The following MCF2L2 variants were observed in gnomAD, a reference collection of about 807,000 sequenced individuals.
MCF2L2 encodes the protein probable guanine nucleotide exchange factor MCF2L2.
Under a neutral mutation model 150.2 loss-of-function variants are expected in MCF2L2, and 102 were observed. The ratio of observed to expected loss-of-function variants is 0.68; its 90% CI spans 0.58 to 0.80. The LOEUF (loss-of-function observed/expected upper bound fraction) is 0.80. Ranked by LOEUF, MCF2L2 falls within the 30% of genes least tolerant of loss-of-function variation. The pLI, the probability that MCF2L2 is intolerant of heterozygous loss-of-function variation, is 0.00. For missense variants in MCF2L2, 1,256 were observed against 1,372.8 expected, an observed-to-expected ratio of 0.91 and a Z score of 1.34; for synonymous variants, 465 against 491.3, an observed-to-expected ratio of 0.95 and a Z score of 0.71.
intron 5 of MCF2L2, among the ~76,000 whole-genome samples, chr3:183,335,731 G>T (rs1036612358): frequency 6.6e-6 from 1 of 152,058 alleles, no homozygotes; most frequent in Non-Finnish European, 1.5e-5. Context: ...AGCCAGGCAT[G>T]GTGGTGTGTG....
intron 3 of MCF2L2, among the ~76,000 whole-genome samples, chr3:183,351,687 C>T (rs571115299): frequency 9.8e-5 from 15 of 152,294 alleles, no homozygotes; most frequent in Admixed American, 9.1e-4. Flanking sequence ...CTGATGGTTA[C>T]ACTGTGAACT....
chr3:183,224,725 A>G (rs1263917970), intron 18 of MCF2L2: 1 of 152,636 alleles, frequency 6.6e-6, no homozygotes, highest in Non-Finnish European at 1.5e-5. Context: ...GAGCTCAGTC[A>G]TTTGGGCAAC....
chr3:183,424,404 A>C (rs1201267624), intron 1 of MCF2L2, among the ~76,000 whole-genome samples: 1 of 152,228 alleles, frequency 6.6e-6, no homozygotes, highest in East Asian at 1.9e-4. Context: ...AGTTATCTAC[A>C]AATATTTTAT....
intron 15 of MCF2L2, chr3:183,269,630 G>GA (rs1422581700): frequency 1.6e-6 from 1 of 618,842 alleles, no homozygotes; most frequent in Non-Finnish European, 2.7e-6. Context: ...CGCAATCTCA[G>GA]AAAAATGGGA....
At chr3:183,405,337 T>G (rs934499528) in intron 1 of MCF2L2, among the ~76,000 whole-genome samples, 23 of 152,200 alleles carry the variant, frequency 1.5e-4, no homozygotes, top group African/African-American at 4.8e-4. Flanking sequence ...TGCTAATTCT[T>G]CTTAAATTTG....
At chr3:183,199,917 G>C (rs1000135796) in intron 25 of MCF2L2, among the ~76,000 whole-genome samples, 1 of 151,940 alleles carries the variant, frequency 6.6e-6, no homozygotes, top group African/African-American at 2.4e-5. Context: ...CAGAATGATG[G>C]TTTCCAGCTT....
intron 1 of MCF2L2, among the ~76,000 whole-genome samples, chr3:183,405,536 G>A (rs4859182): frequency 0.33 from 49,944 of 151,920 alleles, 8,340 homozygotes; most frequent in South Asian, 0.37. Context: ...CCTTTTCCCA[G>A]TATCATAGAA....
chr3:183,314,738 A>G (rs995996118), intron 7 of MCF2L2, among the ~76,000 whole-genome samples: 12 of 150,866 alleles, frequency 8.0e-5, no homozygotes, highest in African/African-American at 2.9e-4. Context: ...GAATCTTATA[A>G]TAGTTTTTCA....
intron 15 of MCF2L2, among the ~76,000 whole-genome samples, chr3:183,255,807 TAAAA>T: frequency 7.4e-6 from 1 of 134,366 alleles, no homozygotes; most frequent in Non-Finnish European, 1.6e-5. Context: ...GGTGAGATTG[TAAAA>T]AAAAAAAAAA....
At chr3:183,253,224 CCCCGCCCGGG>C (rs1188389359) in intron 15 of MCF2L2, 1 of 150,956 alleles carries the variant, frequency 6.6e-6, no homozygotes, top group Non-Finnish European at 1.5e-5. Context: ...AGCCTCGCGC[CCCCGCCCGGG>C]CCCGCCCCCA....
chr3:183,358,356 T>C (rs1353941421), intron 3 of MCF2L2, among the ~76,000 whole-genome samples: 1 of 151,996 alleles, frequency 6.6e-6, no homozygotes, highest in Non-Finnish European at 1.5e-5. Flanking sequence ...TTAGAATGCA[T>C]ACCATATATG....
At chr3:183,337,045 T>G (rs1216328347) in intron 5 of MCF2L2, among the ~76,000 whole-genome samples, 2 of 152,176 alleles carry the variant, frequency 1.3e-5, no homozygotes, top group African/African-American at 4.8e-5. Flanking sequence ...AGTGTCTAGC[T>G]TCTTTCTCTC....
At chr3:183,280,864 A>C (rs1033733389) in intron 14 of MCF2L2, among the ~76,000 whole-genome samples, 3 of 150,142 alleles carry the variant, frequency 2.0e-5, no homozygotes, top group Non-Finnish European at 3.0e-5. Context: ...AAAAAAAAAC[A>C]AACAAGCAAA....
intron 11 of MCF2L2, chr3:183,298,765 G>GCGTGCGCACACACACACACA: frequency 7.2e-6 from 1 of 138,500 alleles, no homozygotes; most frequent in African/African-American, 2.9e-5. Flanking sequence ...AAACACACAT[G>GCGTGCGCACACACACACACA]CACACACACA....
At chr3:183,357,124 A>G (rs1332592629) in intron 3 of MCF2L2, among the ~76,000 whole-genome samples, 7 of 152,154 alleles carry the variant, frequency 4.6e-5, no homozygotes, top group Admixed American at 4.6e-4. Context: ...AAACAGAGGG[A>G]CTTCTGGGTA....
rs926254424 is a variant in MCF2L2, at chr3:183,181,802, G to A, written c.3017-1643C>T. On this transcript the variant is annotated intron_variant, in intron 27 of 29. Coordinates refer to ENST00000328913, the MANE Select transcript of MCF2L2 (RefSeq NM_015078.4). This position sits in a 1 kb window ranked among gnomAD's most constrained non-coding sequence, Gnocchi z 4.3. Reference sequence around the variant, plus strand: ...TAGAGCCACCCACTGGGAGGCTGGCGGTTGGGCCTGGCTCAGGAGCCTTCG... The same window carrying A: ...TAGAGCCACCCACTGGGAGGCTGGCAGTTGGGCCTGGCTCAGGAGCCTTCG... Among the ~76,000 whole-genome samples the A allele has an allele frequency of 3.6e-4, 55 of 152,246 alleles. No homozygotes were observed. The highest frequency in any genetic ancestry group is 1.1e-3 in the African/African-American group (46 of 41,540).
Position 183,270,810 on chromosome 3 carries a change from G to T in MCF2L2, c.1862+6062C>A. The T allele has an allele frequency of 6.2e-7, 1 of 1,613,992 alleles. No homozygotes were observed. The stretch of plus-strand genomic sequence containing the variant: ...CCAGGACCTTTGGAAGAATGCTACA[G>T]ATCCTAAAGTAAAAACCATTTCCAA... On this transcript the variant is annotated intron_variant, in intron 15 of 29. Transcript: ENST00000328913. This position sits in a 1 kb window ranked among gnomAD's most constrained non-coding sequence, Gnocchi z 4.5.
chr3:183,365,495 A>C (rs1334006740), intron 3 of MCF2L2, among the ~76,000 whole-genome samples: 1 of 152,226 alleles, frequency 6.6e-6, no homozygotes, highest in African/African-American at 2.4e-5. Flanking sequence ...CAGACACACC[A>C]ATTAATTCTC....
chr3:183,402,451 C>CAAAA (rs779201489), intron 1 of MCF2L2, among the ~76,000 whole-genome samples: 59 of 54,518 alleles, frequency 1.1e-3, no homozygotes, highest in Non-Finnish European at 1.5e-3. Flanking sequence ...GAGACTCCAT[C>CAAAA]AAAAAAAAAA....
Sources: allele counts gnomAD v4.1 joint callset (sites outside exome capture counted in the v4.1 genomes callset), GRCh38; gene constraint gnomAD v4.1.1; non-coding constraint Gnocchi (gnomAD v3.1); transcripts MANE v1.5; gene names NCBI Gene and HGNC (gene_info 2026-07-23, HGNC 2026-07-21).